PHF24: variants seen among roughly 807,000 people sequenced by gnomAD.
PHF24 encodes the protein PHD finger protein 24, also known as Galpha inhibitory interacting protein.
In PHF24, 25 loss-of-function variants were observed where a neutral mutation model predicts 42.6. The ratio of observed to expected loss-of-function variants is 0.59; its 90% CI spans 0.43 to 0.82. The LOEUF is 0.82. PHF24 is among the 40% of genes least tolerant of loss of function. The pLI is 0.00. For synonymous variants in PHF24, 185 were observed against 204.8 expected, an observed-to-expected ratio of 0.90 and a Z score of 0.83; for missense variants, 470 against 538.1, an observed-to-expected ratio of 0.87 and a Z score of 1.25.
the PHF24 span, among the ~76,000 whole-genome samples, chr9:34,799,682 G>A: frequency 6.6e-6 from 1 of 152,084 alleles, no homozygotes; most frequent in African/African-American, 2.4e-5. Flanking sequence ...TATTCTTTGT[G>A]CAAGATTTAA....
the PHF24 span, among the ~76,000 whole-genome samples, chr9:34,846,096 G>A: frequency 2.4e-4 from 37 of 152,168 alleles, no homozygotes; most frequent in African/African-American, 8.2e-4. Context: ...ATGATTTATA[G>A]TCATTTGGGT....
the PHF24 span, chr9:34,835,707 C>T: frequency 6.4e-6 from 10 of 1,551,120 alleles, no homozygotes; most frequent in South Asian, 3.6e-5. Context: ...GGTGATCAGC[C>T]CAGTAATCTT....
chr9:34,753,299 G>A, the PHF24 span, among the ~76,000 whole-genome samples: 1 of 152,078 alleles, frequency 6.6e-6, no homozygotes, highest in Non-Finnish European at 1.5e-5. Context: ...AACAAATTTA[G>A]TAGTGGTAAG....
At chr9:34,931,829 AAC>A in the PHF24 span, among the ~76,000 whole-genome samples, 1 of 152,184 alleles carries the variant, frequency 6.6e-6, no homozygotes, top group Admixed American at 6.5e-5. Flanking sequence ...TGGACTAACA[AAC>A]ACACTAGGCA....
the PHF24 span, among the ~76,000 whole-genome samples, chr9:34,798,560 G>A: frequency 6.6e-6 from 1 of 152,132 alleles, no homozygotes; most frequent in South Asian, 2.1e-4. Context: ...CTTTTTTATG[G>A]CTGCAGGGTA....
At chr9:34,971,179 C>A in intron 1 of PHF24, 116 bp from the exon 2 acceptor site, 1 of 1,098,072 alleles carries the variant, frequency 9.1e-7, no homozygotes, top group Non-Finnish European at 1.3e-6. Context: ...CCACCCCCAC[C>A]ATGTTCTAGA....
chr9:34,785,729 A>T, the PHF24 span, among the ~76,000 whole-genome samples: 1 of 152,144 alleles, frequency 6.6e-6, no homozygotes, highest in African/African-American at 2.4e-5. Flanking sequence ...TTTTTATTGC[A>T]TCCTTCCACC....
At chr9:34,833,982 C>G in the PHF24 span, 1 of 1,547,086 alleles carries the variant, frequency 6.5e-7, no homozygotes, top group Non-Finnish European at 8.7e-7. Flanking sequence ...AAAGTTGTCT[C>G]CAGTTTCTCA....
chr9:34,720,089 A>G, the PHF24 span, among the ~76,000 whole-genome samples: 1 of 152,116 alleles, frequency 6.6e-6, no homozygotes, highest in African/African-American at 2.4e-5. Flanking sequence ...CCTCCTAGTG[A>G]TGAGATGGTG....
the PHF24 span, among the ~76,000 whole-genome samples, chr9:34,900,980 G>A: frequency 6.6e-6 from 1 of 152,146 alleles, no homozygotes; most frequent in Non-Finnish European, 1.5e-5. Context: ...AATGGACTAA[G>A]ACTGGACAAA....
the PHF24 span, among the ~76,000 whole-genome samples, chr9:34,677,401 T>TTTTTTTTTC: frequency 7.2e-6 from 1 of 138,978 alleles, no homozygotes; most frequent in Admixed American, 7.4e-5. Context: ...TTTTTTTTTT[T>TTTTTTTTTC]TTTTTTTTTT....
At chr9:34,781,936 A>C in the PHF24 span, among the ~76,000 whole-genome samples, 1 of 152,234 alleles carries the variant, frequency 6.6e-6, no homozygotes, top group Non-Finnish European at 1.5e-5. Flanking sequence ...AGAAGGGCTG[A>C]AATTACATTC....
At chr9:34,773,644 G>T in the PHF24 span, among the ~76,000 whole-genome samples, 1 of 152,334 alleles carries the variant, frequency 6.6e-6, no homozygotes, top group South Asian at 2.1e-4. Context: ...CGGGAGAGAA[G>T]AGTGTGTACC....
chr9:34,702,500 G>C, the PHF24 span, among the ~76,000 whole-genome samples: 2 of 152,212 alleles, frequency 1.3e-5, no homozygotes, highest in South Asian at 2.1e-4. Context: ...TATGGTAACA[G>C]ACTTTCTCTG....
the PHF24 span, among the ~76,000 whole-genome samples, chr9:34,923,092 C>G: frequency 6.8e-6 from 1 of 147,756 alleles, no homozygotes; most frequent in Non-Finnish European, 1.5e-5. Context: ...TGAATTTTAT[C>G]AAATGCTTTT....
At chr9:34,872,395 C>G in the PHF24 span, among the ~76,000 whole-genome samples, 5 of 133,614 alleles carry the variant, frequency 3.7e-5, no homozygotes, top group African/African-American at 1.1e-4. Context: ...TGTGATATTC[C>G]CCTTCCTGTG....
chr9:34,767,485 C>T, the PHF24 span, among the ~76,000 whole-genome samples: 25,475 of 151,764 alleles, frequency 0.17, 2,287 homozygotes, highest in Middle Eastern at 0.26. Context: ...AGCGAGACTC[C>T]GTGCGCGTAG....
chr9:34,674,914 T>A, the PHF24 span, among the ~76,000 whole-genome samples: 2 of 152,200 alleles, frequency 1.3e-5, no homozygotes, highest in Admixed American at 6.5e-5. Flanking sequence ...TCACTCAGGC[T>A]GGAATGCAGT....
At chr9:34,813,216 C>T in the PHF24 span, among the ~76,000 whole-genome samples, 1 of 152,136 alleles carries the variant, frequency 6.6e-6, no homozygotes, top group Non-Finnish European at 1.5e-5. Context: ...ATATCTTCCT[C>T]CTACCTCTGC....
Sources: allele counts gnomAD v4.1 joint callset (sites outside exome capture counted in the v4.1 genomes callset), GRCh38; gene constraint gnomAD v4.1.1; transcripts MANE v1.5; gene names NCBI Gene and HGNC (gene_info 2026-07-23, HGNC 2026-07-21).